DSCAML1: variants seen among roughly 807,000 people sequenced by gnomAD.
DSCAML1 encodes the protein DS cell adhesion molecule like 1, also known as cell adhesion molecule DSCAML1.
In DSCAML1, 38 loss-of-function variants were observed where a neutral mutation model predicts 200.5. The observed-to-expected ratio is 0.19, with a 90% CI of 0.15 to 0.25. The LOEUF (loss-of-function observed/expected upper bound fraction) is 0.25, where lower values mean the gene tolerates loss of function less well. Among genes scored for constraint, DSCAML1 ranks in the 10% least tolerant of loss-of-function variants. The probability of loss-of-function intolerance (pLI) is 1.00; values close to 1 mark genes in which losing one functional copy is unlikely to be tolerated. For synonymous variants in DSCAML1, 1,215 were observed against 1,165.0 expected (o/e 1.04, Z -0.87); for missense variants, 2,223 against 2,858.8 (o/e 0.78, Z 5.07).
At chr11:117,805,766 G>A (rs752163208) in intron 1 of DSCAML1, among the ~76,000 whole-genome samples, 3 of 152,154 alleles carry the variant, frequency 2.0e-5, no homozygotes, top group Non-Finnish European at 4.4e-5. Flanking sequence ...GGAGTTCCCC[G>A]ATCCCTGGAA....
At chr11:117,479,807 C>A (rs1237430009) in intron 14 of DSCAML1, among the ~76,000 whole-genome samples, 1 of 152,166 alleles carries the variant, frequency 6.6e-6, no homozygotes, top group African/African-American at 2.4e-5. Context: ...TGCCACCACG[C>A]CTGGCTAATT....
At position 117,505,754 on chromosome 11, in the gene DSCAML1, G is replaced by A; in HGVS notation, c.1784-22C>T. 1 of 1,598,736 alleles carries A rather than the reference G, an allele frequency of 6.3e-7. No individual in the cohort carries two copies. Among genetic ancestry groups the A allele is most frequent in the Non-Finnish European group, 8.5e-7 (1 of 1,172,866 alleles). On this transcript the variant is annotated intron_variant, in intron 8 of 32. Transcript: ENST00000651296. This position sits in a 1 kb window ranked among gnomAD's most constrained non-coding sequence, Gnocchi z 6.7. ...GGCACTGGGAAGGCAAGCGGGTGCT[G>A]CCGTCAGGACCCTGTGCATTCTCAC...
intron 7 of DSCAML1, among the ~76,000 whole-genome samples, chr11:117,517,674 C>T (rs1200756180): frequency 6.6e-6 from 1 of 152,198 alleles, no homozygotes; most frequent in Non-Finnish European, 1.5e-5. Flanking sequence ...CAGGGGTGCC[C>T]CTGGATCAGT....
In DSCAML1 at chr11:117,505,581, G is replaced by C; in HGVS notation, c.1935C>G (p.Ile645Met). Residue 645 changes from isoleucine (I) to methionine (M), a missense_variant, in exon 9 of 33, where the codon ATC becomes ATG. Physicochemically the swap from Ile to Met is conservative, Grantham distance 10 (BLOSUM62 1). This residue lies in a region of DSCAML1 where 212 missense variants were observed against 368.0 expected (regional missense o/e 0.58). Coordinates refer to ENST00000651296, the MANE Select transcript of DSCAML1 (RefSeq NM_020693.4). This position sits in a 1 kb window ranked among gnomAD's most constrained non-coding sequence, Gnocchi z 6.7. ...GGGAGCTCATGAATTCCTTGCTCTCGATGGTCACGCCCGAGCCTGAGATGA... is the reference window on the plus strand; with the variant it reads ...GGGAGCTCATGAATTCCTTGCTCTCCATGGTCACGCCCGAGCCTGAGATGA... ...QVIISGSGVT[I>M]ESKEFMSSLQ... 1 of 1,613,758 alleles carries C rather than the reference G, an allele frequency of 6.2e-7. No individual in the cohort carries two copies. The highest frequency in any genetic ancestry group is 8.5e-7 in the Non-Finnish European group (1 of 1,180,014).
intron 3 of DSCAML1, among the ~76,000 whole-genome samples, chr11:117,552,124 G>A (rs552862928): frequency 6.6e-6 from 1 of 152,060 alleles, no homozygotes; most frequent in African/African-American, 2.4e-5. Context: ...CATCGGGGTG[G>A]GCATGCACCT....
intron 3 of DSCAML1, among the ~76,000 whole-genome samples, chr11:117,661,688 G>A (rs1209259648): frequency 6.6e-6 from 1 of 152,106 alleles, no homozygotes; most frequent in Non-Finnish European, 1.5e-5. Context: ...CATGACTCAG[G>A]GCACAGTCCC....
chr11:117,470,370 TC>T (rs546366896), intron 15 of DSCAML1, among the ~76,000 whole-genome samples: 177 of 152,090 alleles, frequency 1.2e-3, no homozygotes, highest in African/African-American at 4.1e-3. Flanking sequence ...GGTCAGGAGA[TC>T]GAGACCATCC....
At chr11:117,527,022 G>T (rs1238309963) in intron 4 of DSCAML1, among the ~76,000 whole-genome samples, 1 of 147,240 alleles carries the variant, frequency 6.8e-6, no homozygotes, top group African/African-American at 2.4e-5. Context: ...ATAGTGCCAG[G>T]TGTGGTGGCA....
intron 3 of DSCAML1, among the ~76,000 whole-genome samples, chr11:117,650,700 T>TGTGTGTGTGTGTGTGTGCGC (rs147584706): frequency 1.4e-5 from 2 of 147,352 alleles, no homozygotes; most frequent in Non-Finnish European, 3.0e-5. Context: ...TGTGTGTGTG[T>TGTGTGTGTGTGTGTGTGCGC]GCGTGTGTGT....
At chr11:117,794,527 G>C (rs914294431) in intron 1 of DSCAML1, among the ~76,000 whole-genome samples, 1 of 152,042 alleles carries the variant, frequency 6.6e-6, no homozygotes, top group African/African-American at 2.4e-5. Context: ...TCCAAAGGAT[G>C]CTCCATCTCA....
intron 3 of DSCAML1, among the ~76,000 whole-genome samples, chr11:117,601,293 T>C (rs977465888): frequency 1.3e-5 from 2 of 151,844 alleles, no homozygotes; most frequent in African/African-American, 4.8e-5. Flanking sequence ...TCCTCAACCC[T>C]GGATCATGAA....
chr11:117,437,322 C>G lies in DSCAML1; in HGVS notation c.4520G>C (p.Gly1507Ala). 6.2e-7 allele frequency: 1 copy of G among 1,614,246 alleles called. No homozygotes were observed. Among genetic ancestry groups the G allele is most frequent in the Non-Finnish European group, 8.5e-7 (1 of 1,180,050 alleles). Residue 1507 changes from glycine to alanine, a missense_variant, in exon 26 of 33, where the codon GGC (glycine) becomes GCC (alanine). Gly to Ala is a moderately conservative substitution (Grantham distance 60, BLOSUM62 0). Around this residue, in one of 7 missense-constraint regions of DSCAML1, gnomAD observed 614 missense variants for 739.1 expected, o/e 0.83. Coordinates refer to ENST00000651296, the MANE Select transcript of DSCAML1 (RefSeq NM_020693.4). The surrounding 1 kb of genome is among the most constrained non-coding windows in gnomAD (Gnocchi z 5.3). ...CAGAACGATGGCTGTGATAGGGCAG[C>G]CCCCATTGTTCCAGCCCTGCAGGTT... is the stretch of plus-strand genomic sequence containing the variant. ...RLNLQGWNNG[G>A]CPITAIVLEY... is the part of the protein sequence containing the mutation.
intron 3 of DSCAML1, among the ~76,000 whole-genome samples, chr11:117,575,307 T>C (rs2050912906): frequency 6.6e-6 from 1 of 152,172 alleles, no homozygotes. Flanking sequence ...GGATGACGCA[T>C]GGTTTGAGAC....
At position 117,435,722 on chromosome 11, in the gene DSCAML1, T is replaced by C; in HGVS notation, c.4798A>G (p.Ile1600Val). 6.2e-7 allele frequency: 1 copy of C among 1,613,518 alleles called. No homozygotes were observed. ...KKLFTIGCPV[I>V]LATLGVALLF... ...AGTGCCACCCCCAGTGTGGCCAGGA[T>C]GACAGGGCAGCCGATGGTGAACAGC... The change falls in exon 27 of 33, where the codon ATC becomes GTC. Residue 1600 changes from isoleucine to valine, a missense_variant. Physicochemically the swap from Ile to Val is conservative, Grantham distance 29. This residue lies in a region of DSCAML1 where 614 missense variants were observed against 739.1 expected (regional missense o/e 0.83). Transcript: ENST00000651296.
rs549471566 is a variant in DSCAML1 at position 117,437,823 on chromosome 11, C to G, written c.4432+72G>C. ...TCCCCACCCCAGCCACCTTACACCC[C>G]ATACCTGGCCCCTCTAGCCCACCCT... On this transcript the variant is annotated intron_variant, in intron 25 of 32. Coordinates refer to ENST00000651296, the MANE Select transcript of DSCAML1 (RefSeq NM_020693.4). The surrounding 1 kb of genome is among the most constrained non-coding windows in gnomAD (Gnocchi z 5.3). 2,267 of 1,469,222 alleles carry G rather than the reference C, an allele frequency of 1.5e-3. 45 individuals carry two copies. Among genetic ancestry groups the G allele is most frequent in the South Asian group, 9.5e-4 (70 of 73,748 alleles). 91.0% of individuals were successfully genotyped at this position (1,469,222 alleles called of 1,614,324 possible). A position where few individuals can be genotyped will look rare whatever the true frequency, so the allele number is the denominator to read the frequency against.
At chr11:117,501,103 C>T (rs140596102) in intron 11 of DSCAML1, among the ~76,000 whole-genome samples, 60 of 152,154 alleles carry the variant, frequency 3.9e-4, no homozygotes, top group African/African-American at 1.0e-3. Context: ...AACCAGGTCC[C>T]GAAGGTTCTA....
At chr11:117,575,541 G>T (rs2050916967) in intron 3 of DSCAML1, among the ~76,000 whole-genome samples, 1 of 152,206 alleles carries the variant, frequency 6.6e-6, no homozygotes, top group Non-Finnish European at 1.5e-5. Flanking sequence ...GTGGTGATTT[G>T]CTGTATGGCT....
intron 3 of DSCAML1, among the ~76,000 whole-genome samples, chr11:117,708,213 G>A (rs1165514274): frequency 2.0e-5 from 3 of 152,154 alleles, no homozygotes; most frequent in Non-Finnish European, 4.4e-5. Flanking sequence ...AACCTGTCTA[G>A]TTGAACCCTG....
intron 3 of DSCAML1, among the ~76,000 whole-genome samples, chr11:117,617,092 C>T (rs1167446846): frequency 6.6e-6 from 1 of 152,194 alleles, no homozygotes. Flanking sequence ...ATTCTCACAA[C>T]AGTAGGAGGT....
Sources: allele counts gnomAD v4.1 joint callset (sites outside exome capture counted in the v4.1 genomes callset), GRCh38; gene constraint gnomAD v4.1.1; regional missense constraint gnomAD v4.1.1; non-coding constraint Gnocchi (gnomAD v3.1); transcripts MANE v1.5; gene names NCBI Gene and HGNC (gene_info 2026-07-23, HGNC 2026-07-21).